SLC6A18: variants seen among roughly 807,000 people sequenced by gnomAD.
SLC6A18 encodes the protein solute carrier family 6 member 18, also known as inactive sodium-dependent neutral amino acid transporter B(0)AT3.
A neutral mutation model predicts 62.9 loss-of-function variants in SLC6A18; 58 were observed. That is an observed-to-expected ratio of 0.92 (90% confidence interval 0.75 to 1.15). The LOEUF (loss-of-function observed/expected upper bound fraction) is 1.15, where lower values mean the gene tolerates loss of function less well. Among genes scored for constraint, SLC6A18 ranks in the 50% most tolerant of loss-of-function variants. The pLI, the probability that SLC6A18 is intolerant of heterozygous loss-of-function variation, is 0.00. For synonymous variants in SLC6A18, 382 were observed against 365.8 expected, an observed-to-expected ratio of 1.04 and a Z score of -0.51; for missense variants, 793 against 836.6, an observed-to-expected ratio of 0.95 and a Z score of 0.64.
At chr5:1,233,951 C>G (rs188238229) in intron 3 of SLC6A18, among the ~76,000 whole-genome samples, 13 of 152,252 alleles carry the variant, frequency 8.5e-5, no homozygotes, top group Non-Finnish European at 2.9e-5. Flanking sequence ...CCATGTTAGC[C>G]AGGATGGTCT....
In SLC6A18 at chr5:1,238,023, G is replaced by A. The variant is rs776727638; in HGVS notation, c.695G>A (p.Gly232Glu). The stretch of plus-strand genomic sequence containing the variant: ...CTCATCAGAGGGCTGACCCTGCCAG[G>A]GGCAACAAAAGGACTCATCTACTTG... ...IFLIRGLTLP[G>E]ATKGLIYLFT... Residue 232 changes from glycine to glutamate, a missense_variant, in exon 5 of 12, where the codon GGG becomes GAG. Physicochemically the swap from Gly to Glu is moderately conservative, Grantham distance 98. Transcript: ENST00000324642. 2 of 1,614,184 alleles carry A rather than the reference G, an allele frequency of 1.2e-6. No homozygotes were observed.
chr5:1,237,869 C>A, intron 4 of SLC6A18, 81 bp from the exon 5 acceptor site: 1 of 1,124,980 alleles, frequency 8.9e-7, no homozygotes, highest in Non-Finnish European at 1.3e-6. Flanking sequence ...AGGGCGGTGT[C>A]TGGAGCCTGC....
At chr5:1,245,764 C>T in intron 11 of SLC6A18, 84 bp from the exon 12 acceptor site, 1 of 1,412,192 alleles carries the variant, frequency 7.1e-7, no homozygotes, top group Non-Finnish European at 9.4e-7. Context: ...GCAGGTGGCT[C>T]TTGCCCCTTG....
At chr5:1,244,896 T>C in intron 11 of SLC6A18, 129 bp downstream of exon 11, 1 of 1,155,514 alleles carries the variant, frequency 8.7e-7, no homozygotes, top group Non-Finnish European at 1.2e-6. Context: ...GGTGGCGTGG[T>C]CACTTCTGCC....
At position 1,232,912 on chromosome 5, in the gene SLC6A18, G is replaced by A. The variant is rs1322090996; in HGVS notation, c.439+24G>A. 1.9e-6 allele frequency: 3 copies of A among 1,599,372 alleles called. No homozygotes were observed. The Admixed American group carries it at 5.1e-5, about 27-fold the overall frequency. Reference sequence around the variant, plus strand: ...AGGTGAGCTGGGCGCCGCCTGCTGTGTGGGTCCGTGCACGGCCGAGAGAGG... The same window carrying A: ...AGGTGAGCTGGGCGCCGCCTGCTGTATGGGTCCGTGCACGGCCGAGAGAGG... On this transcript the variant is annotated intron_variant, in intron 3 of 11. Transcript: ENST00000324642.
At chr5:1,237,538 AG>A in intron 4 of SLC6A18, among the ~76,000 whole-genome samples, 1 of 152,228 alleles carries the variant, frequency 6.6e-6, no homozygotes, top group African/African-American at 2.4e-5. Context: ...AGGGGACCAA[AG>A]CAGGGAAAGG....
At chr5:1,232,530 G>A (rs375106848) in intron 2 of SLC6A18, among the ~76,000 whole-genome samples, 171 bp downstream of exon 2, 12 of 152,286 alleles carry the variant, frequency 7.9e-5, no homozygotes, top group East Asian at 5.8e-4. Context: ...GCGGTGACTC[G>A]GGGAGAATTA....
chr5:1,244,364 G>T lies in SLC6A18; in HGVS notation c.1487G>T (p.Gly496Val), dbSNP rs140885803. 1 of 1,614,088 alleles carries T rather than the reference G, an allele frequency of 6.2e-7. No individual in the cohort carries two copies. The highest frequency in any genetic ancestry group is 8.5e-7 in the Non-Finnish European group (1 of 1,179,990). Residue 496 changes from glycine (G) to valine (V), a missense_variant, in exon 10 of 12, where the codon GGA becomes GTA. Physicochemically the swap from Gly to Val is moderately radical, Grantham distance 109. Transcript: ENST00000324642. The part of the protein sequence containing the change: ...LEVVGVVYVY[G>V]MKRFCDDIAW... ...GTTGTGGGTGTCGTTTATGTTTATGGAATGAAACGGTGAGCTGCCGCCCCG... is the reference window on the plus strand; with the variant it reads ...GTTGTGGGTGTCGTTTATGTTTATGTAATGAAACGGTGAGCTGCCGCCCCG...
At chr5:1,244,166 T>G in intron 9 of SLC6A18, 48 bp from the exon 10 acceptor site, 37 of 751,260 alleles carry the variant, frequency 4.9e-5, no homozygotes, top group Middle Eastern at 4.2e-4. Flanking sequence ...TCCCCACACC[T>G]CCACTCCCCA....
rs1747140099 is a variant in SLC6A18, at chr5:1,243,942, G to A, written c.1336+183G>A. On this transcript the variant is annotated intron_variant, in intron 9 of 11. Transcript: ENST00000324642. This position sits in a 1 kb window ranked among gnomAD's most constrained non-coding sequence, Gnocchi z 6.5. ...CAACGGAGAGCCGAGGGTCGAGGGA[G>A]GGTCAGGGCTGCCCCTCCCCCACGG... 6.6e-6 allele frequency among the ~76,000 whole-genome samples: 1 copy of A among 152,160 alleles called. No homozygotes were observed. Among genetic ancestry groups the A allele is most frequent in the Non-Finnish European group, 1.5e-5 (1 of 68,012 alleles).
chr5:1,231,834 A>G lies in SLC6A18; in HGVS notation c.161-385A>G, dbSNP rs143495665. On this transcript the variant is annotated intron_variant, in intron 1 of 11. Coordinates refer to ENST00000324642, the MANE Select transcript of SLC6A18 (RefSeq NM_182632.3). ...CCAGGCCCCTGCAGGCCTCCTTCCC[A>G]CAGAGGCTGAGTCCCCACTGCCGGC... Among the ~76,000 whole-genome samples, 848 of 152,202 alleles carry G rather than the reference A, an allele frequency of 5.6e-3. 11 individuals are homozygous for G. The highest frequency in any genetic ancestry group is 0.019 in the African/African-American group (793 of 41,516).
At position 1,239,524 on chromosome 5, in the gene SLC6A18, C is replaced by T. The variant is rs137936927; in HGVS notation, c.807C>T (p.Phe269=). ...TQIFFSLSLA[F]GGHIAFASYN... ...TATTCTTCTCTCTGTCCCTGGCCTTCGGAGGACACATCGCTTTTGCAAGTT... is the reference window on the plus strand; with the variant it reads ...TATTCTTCTCTCTGTCCCTGGCCTTTGGAGGACACATCGCTTTTGCAAGTT... Residue 269 remains phenylalanine (F), a synonymous_variant, in exon 6 of 12, where the codon TTC becomes TTT. Coordinates refer to ENST00000324642, the MANE Select transcript of SLC6A18 (RefSeq NM_182632.3). 68 of 1,614,044 alleles carry T rather than the reference C, an allele frequency of 4.2e-5. No homozygotes were observed. In the African/African-American group the frequency reaches 6.0e-4, roughly 14 times the overall value.
intron 3 of SLC6A18, among the ~76,000 whole-genome samples, chr5:1,234,676 C>G (rs114381480): frequency 1.3e-5 from 2 of 152,208 alleles, no homozygotes; most frequent in Non-Finnish European, 2.9e-5. Context: ...GAAAAGGGCC[C>G]GGAGGGGCCA....
intron 6 of SLC6A18, among the ~76,000 whole-genome samples, chr5:1,240,096 T>C (rs1747014555): frequency 6.6e-6 from 1 of 152,132 alleles, no homozygotes; most frequent in Non-Finnish European, 1.5e-5. Context: ...TGGCGGCCTT[T>C]AGGGAAGGAA....
In SLC6A18 at chr5:1,232,900, G is replaced by A. The variant is rs201527334; in HGVS notation, c.439+12G>A. The A allele has an allele frequency of 1.8e-5, 29 of 1,604,290 alleles. No homozygotes were observed. The East Asian group carries it at 2.0e-4, about 11-fold the overall frequency. On this transcript the variant is annotated intron_variant, in intron 3 of 11. Transcript: ENST00000324642. ...CCTCAACAGAACAGGTGAGCTGGGC[G>A]CCGCCTGCTGTGTGGGTCCGTGCAC...
chr5:1,232,649 A>G (rs1746763771), intron 2 of SLC6A18, 102 bp from the exon 3 acceptor site: 14 of 1,489,086 alleles, frequency 9.4e-6, no homozygotes, highest in South Asian at 1.4e-5. Flanking sequence ...GCCCTTCAGC[A>G]TGTGTTATTT....
intron 1 of SLC6A18, among the ~76,000 whole-genome samples, chr5:1,227,126 C>T (rs1254598133): frequency 2.0e-5 from 3 of 147,624 alleles, no homozygotes; most frequent in South Asian, 2.2e-4. Flanking sequence ...ACGCCTTGCC[C>T]GTCGATGCCT....
At position 1,232,653 on chromosome 5, in the gene SLC6A18, G is replaced by A. The variant is rs1746763957; in HGVS notation, c.302-98G>A. The A allele has an allele frequency of 8.0e-6, 12 of 1,500,694 alleles. No individual in the cohort carries two copies. In the East Asian group the frequency reaches 2.3e-4, roughly 29 times the overall value. The allele number at this position is 1,500,694 out of a possible 1,614,324, so 93.0% of individuals were successfully genotyped here. A position where few individuals can be genotyped will look rare whatever the true frequency, so the allele number is the denominator to read the frequency against. ...CTTTCAGCTGCGCCCTTCAGCATGT[G>A]TTATTTTATGTTGTTATTTTGTTTT... On this transcript the variant is annotated intron_variant, in intron 2 of 11. Transcript: ENST00000324642.
At chr5:1,233,143 T>C (rs1248639037) in intron 3 of SLC6A18, among the ~76,000 whole-genome samples, 1 of 152,200 alleles carries the variant, frequency 6.6e-6, no homozygotes, top group Non-Finnish European at 1.5e-5. Context: ...CTTGCAGCCA[T>C]GTGCATGGCG....
Sources: gnomAD v4.1 joint callset for allele counts (sites outside exome capture counted in the v4.1 genomes callset) on GRCh38, gnomAD v4.1.1 for gene constraint, Gnocchi (gnomAD v3.1) non-coding constraint, MANE v1.5 for transcripts, NCBI Gene and HGNC (gene_info 2026-07-23, HGNC 2026-07-21) for gene names.